Variants in PNLDC1 observed in about 807,000 individuals in gnomAD.
PNLDC1 encodes poly(A)-specific ribonuclease PNLDC1.
PNLDC1 carries 70 observed loss-of-function variants against 82.0 expected under a neutral mutation model. The observed-to-expected ratio is 0.85, with a 90% CI of 0.70 to 1.04. The LOEUF (loss-of-function observed/expected upper bound fraction) is 1.04, where lower values mean the gene tolerates loss of function less well. Among genes scored for constraint, PNLDC1 ranks in the 50% least tolerant of loss-of-function variants. PNLDC1 has a pLI of 0.00. For missense variants in PNLDC1, 631 were observed against 661.1 expected, an observed-to-expected ratio of 0.95 and a Z score of 0.50; for synonymous variants, 280 against 249.3, an observed-to-expected ratio of 1.12 and a Z score of -1.16.
intron 9 of PNLDC1, 62 bp from the exon 10 acceptor site, chr6:159,809,964 A>G: frequency 3.0e-6 from 4 of 1,346,550 alleles, no homozygotes; most frequent in Non-Finnish European, 4.3e-6. Flanking sequence ...AGAAACTGTT[A>G]GTCTGTAGTG....
chr6:159,805,889 C>G (rs1387774988), intron 6 of PNLDC1, 94 bp from the exon 7 acceptor site: 1 of 890,944 alleles, frequency 1.1e-6, no homozygotes, highest in African/African-American at 1.6e-5. Flanking sequence ...AACATGAAAA[C>G]CAGAGGGTTC....
rs1781795940 is a variant in PNLDC1 at position 159,815,879 on chromosome 6, A to T, written c.996-90A>T. On this transcript the variant is annotated intron_variant, in intron 12 of 18. Coordinates refer to ENST00000392167, the MANE Select transcript of PNLDC1 (RefSeq NM_001271862.2). Reference sequence around the variant, plus strand: ...AGATATGTCCTCAGTACATTTAAAAAATTTATATTAACTTAAGGGACTGAG... The same window carrying T: ...AGATATGTCCTCAGTACATTTAAAATATTTATATTAACTTAAGGGACTGAG... The T allele has an allele frequency of 7.7e-6, 8 of 1,035,268 alleles. No individual in the cohort carries two copies. The South Asian group carries it at 1.1e-4, about 14-fold the overall frequency. The allele number at this position is 1,035,268 out of a possible 1,614,324, so 64.1% of individuals were successfully genotyped here. A position where few individuals can be genotyped will look rare whatever the true frequency, so the allele number is the denominator to read the frequency against.
chr6:159,817,820 A>G (rs1244305165), intron 15 of PNLDC1, among the ~76,000 whole-genome samples: 1 of 152,260 alleles, frequency 6.6e-6, no homozygotes, highest in Admixed American at 6.5e-5. Flanking sequence ...TTTTTGGACT[A>G]TGATCTATTA....
chr6:159,804,607 A>C lies in PNLDC1; in HGVS notation c.431A>C (p.Asp144Ala). 3.7e-6 allele frequency: 6 copies of C among 1,611,244 alleles called. No individual in the cohort carries two copies. Among genetic ancestry groups the C allele is most frequent in the Non-Finnish European group, 5.1e-6 (6 of 1,177,420 alleles). The stretch of plus-strand genomic sequence containing the variant: ...GAACAGGAGAAGAAAATTAGACACG[A>C]TATCCTGACTGGGAACTGGAGAGTT... ...NEEQEKKIRH[D>A]ILTGNWRVRS... The change falls in exon 6 of 19, where the codon GAT becomes GCT. Residue 144 changes from aspartate to alanine, a missense_variant. Transcript: ENST00000392167.
chr6:159,807,630 C>T (rs972632074), intron 7 of PNLDC1, among the ~76,000 whole-genome samples: 5 of 152,186 alleles, frequency 3.3e-5, no homozygotes, highest in Admixed American at 6.5e-5. Flanking sequence ...ATAACCCTGC[C>T]AACCAGCATT....
chr6:159,813,578 T>A, intron 11 of PNLDC1, 23 bp from the exon 12 acceptor site: 1 of 1,597,670 alleles, frequency 6.3e-7, no homozygotes, highest in Non-Finnish European at 8.6e-7. Flanking sequence ...TGTTTTCCTC[T>A]GGTTTGTTTT....
Position 159,800,819 on chromosome 6 carries a change from C to T in PNLDC1, c.124C>T (p.Gln42Ter), listed in dbSNP as rs2115020787. 1 of 1,614,154 alleles carries T rather than the reference C, an allele frequency of 6.2e-7. No individual in the cohort carries two copies. The highest frequency in any genetic ancestry group is 8.5e-7 in the Non-Finnish European group (1 of 1,180,026). ...CCTTCGTTCTAACCTGTCTGGGCCC[C>T]AGCAGATCAGGTAAAACTAAAGCTG... ...TGLRSNLSGP[Q>*]QISLFDLPSE... is the part of the protein sequence containing the mutation. Residue 42 changes from glutamine (Q) to a stop codon, truncating the protein, a stop_gained, in exon 2 of 19, where the codon CAG (glutamine) becomes TAG (stop). Transcript: ENST00000392167. LOFTEE classifies it high-confidence loss of function.
At chr6:159,818,850 A>G in intron 16 of PNLDC1, 96 bp from the exon 17 acceptor site, 1 of 1,422,944 alleles carries the variant, frequency 7.0e-7, no homozygotes, top group Non-Finnish European at 9.6e-7. Flanking sequence ...TCCCTGCCCC[A>G]AGCAGAGCCT....
At position 159,816,589 on chromosome 6, in the gene PNLDC1, T is replaced by C. The variant is rs1781839752; in HGVS notation, c.1107T>C (p.Cys369=). The C allele has an allele frequency of 1.2e-6, 2 of 1,612,890 alleles. No homozygotes were observed. The highest frequency in any genetic ancestry group is 1.7e-6 in the Non-Finnish European group (2 of 1,179,598). The change falls in exon 14 of 19, where the codon TGT becomes TGC. Residue 369 remains cysteine, a synonymous_variant. Transcript: ENST00000392167. ...AAGCCGCGTATGATGCCTTCCTCTG[T>C]GGGTCAGGTAAGGATTGCGGTTCCT... is the stretch of plus-strand genomic sequence containing the variant. ...PHEAAYDAFL[C]GSVLLKVAHL...
chr6:159,809,201 A>G, intron 9 of PNLDC1, 43 bp downstream of exon 9: 1 of 1,601,878 alleles, frequency 6.2e-7, no homozygotes, highest in Admixed American at 1.8e-5. Flanking sequence ...GGCAGTCTTT[A>G]GTATTTCTGG....
At chr6:159,812,925 A>T (rs1237201399) in intron 11 of PNLDC1, among the ~76,000 whole-genome samples, 3 of 152,150 alleles carry the variant, frequency 2.0e-5, no homozygotes, top group South Asian at 2.1e-4. Context: ...TGGGAGGCGT[A>T]AGTGGGAGGA....
chr6:159,800,659 C>A (rs1323328440), intron 1 of PNLDC1, 113 bp from the exon 2 acceptor site: 12 of 485,482 alleles, frequency 2.5e-5, no homozygotes, highest in Non-Finnish European at 3.8e-5. Flanking sequence ...CCTCACTTGG[C>A]TTCTTGAGCG....
At chr6:159,804,114 G>A (rs375991204) in intron 5 of PNLDC1, 26 bp downstream of exon 5, 14 of 1,610,268 alleles carry the variant, frequency 8.7e-6, no homozygotes, top group South Asian at 1.1e-5. Flanking sequence ...AGGGGAACGG[G>A]AATGTCTTTT....
At chr6:159,817,010 T>TC in intron 14 of PNLDC1, 99 bp from the exon 15 acceptor site, 2 of 1,271,360 alleles carry the variant, frequency 1.6e-6, no homozygotes, top group Middle Eastern at 1.8e-4. Flanking sequence ...GTCCCTAGAT[T>TC]CTACATTTAT....
At chr6:159,813,055 A>G (rs1781694877) in intron 11 of PNLDC1, among the ~76,000 whole-genome samples, 3 of 152,172 alleles carry the variant, frequency 2.0e-5, no homozygotes, top group Non-Finnish European at 4.4e-5. Flanking sequence ...TGAAGAACAG[A>G]GAAGGGGGCA....
At chr6:159,813,807 C>T (rs2115050829) in intron 12 of PNLDC1, 151 bp downstream of exon 12, 1 of 678,144 alleles carries the variant, frequency 1.5e-6, no homozygotes, top group East Asian at 2.6e-5. Context: ...CTTCATGGCC[C>T]CCTTCCTCCG....
intron 7 of PNLDC1, among the ~76,000 whole-genome samples, chr6:159,807,643 C>G (rs1425769189): frequency 1.3e-5 from 2 of 152,192 alleles, no homozygotes; most frequent in African/African-American, 2.4e-5. Context: ...CCAGCATTTT[C>G]CAGATTACTA....
At chr6:159,813,410 G>A (rs576539575) in intron 11 of PNLDC1, among the ~76,000 whole-genome samples, 191 bp from the exon 12 acceptor site, 4 of 152,254 alleles carry the variant, frequency 2.6e-5, no homozygotes, top group Admixed American at 6.5e-5. Flanking sequence ...GTCCTTCTAG[G>A]AAACCCAGGA....
At chr6:159,800,850 C>A in intron 2 of PNLDC1, 21 bp downstream of exon 2, 1 of 1,613,992 alleles carries the variant, frequency 6.2e-7, no homozygotes, top group Non-Finnish European at 8.5e-7. Flanking sequence ...AGCTGTGTCC[C>A]CTCTGTATAA....
Sources: gnomAD v4.1 joint callset for allele counts (sites outside exome capture counted in the v4.1 genomes callset) on GRCh38, gnomAD v4.1.1 for gene constraint, MANE v1.5 for transcripts, NCBI Gene and HGNC (gene_info 2026-07-23, HGNC 2026-07-21) for gene names.